The following STPG2 variants were observed in gnomAD, a reference collection of about 807,000 sequenced individuals.
STPG2 encodes sperm tail PG-rich repeat containing 2, also known as sperm-tail PG-rich repeat-containing protein 2.
Under a neutral mutation model 54.2 loss-of-function variants are expected in STPG2, and 56 were observed. That is an observed-to-expected ratio of 1.03 (90% CI 0.83 to 1.29). The LOEUF (loss-of-function observed/expected upper bound fraction) is 1.29. Among genes scored for constraint, STPG2 ranks in the 50% most tolerant of loss-of-function variants. The probability of loss-of-function intolerance (pLI) is 0.00; values close to 1 mark genes in which losing one functional copy is unlikely to be tolerated. For synonymous variants in STPG2, 200 were observed against 181.8 expected (o/e 1.10, Z -0.81); for missense variants, 596 against 544.9 (o/e 1.09, Z -0.93).
intron 8 of STPG2, among the ~76,000 whole-genome samples, chr4:97,928,732 A>G (rs1732428051): frequency 6.6e-6 from 1 of 152,150 alleles, no homozygotes; most frequent in Non-Finnish European, 1.5e-5. Context: ...AACATCTGTT[A>G]ACTCTGCATT....
intron 10 of STPG2, among the ~76,000 whole-genome samples, chr4:97,582,280 G>A (rs752488213): frequency 5.0e-4 from 76 of 151,846 alleles, no homozygotes; most frequent in Non-Finnish European, 3.8e-4. Flanking sequence ...TCAAATACGC[G>A]TTGTTGGTTG....
At chr4:97,708,926 A>C (rs2149004490) in intron 10 of STPG2, among the ~76,000 whole-genome samples, 1 of 151,844 alleles carries the variant, frequency 6.6e-6, no homozygotes, top group East Asian at 1.9e-4. Flanking sequence ...ATTTGAGTAA[A>C]ATTTTCTTTT....
intron 9 of STPG2, among the ~76,000 whole-genome samples, chr4:97,754,687 C>T (rs754315892): frequency 6.6e-6 from 1 of 152,018 alleles, no homozygotes; most frequent in African/African-American, 2.4e-5. Context: ...GACTATTTCA[C>T]AATTTCTCTC....
downstream of STPG2, among the ~76,000 whole-genome samples, chr4:97,558,423 T>C (rs1431550945): frequency 1.3e-5 from 2 of 152,138 alleles, no homozygotes. Context: ...AAAAGGTGAA[T>C]AGGATCTCAC....
chr4:97,827,403 T>C (rs146004548), intron 9 of STPG2, among the ~76,000 whole-genome samples: 4,340 of 151,882 alleles, frequency 0.029, 195 homozygotes, highest in African/African-American at 0.098. Context: ...GTCCGGATAA[T>C]TTTTTGTATT....
chr4:98,019,477 T>G (rs1322366247), intron 5 of STPG2, among the ~76,000 whole-genome samples: 1 of 152,016 alleles, frequency 6.6e-6, no homozygotes, highest in Non-Finnish European at 1.5e-5. Flanking sequence ...TTCTTTTGGC[T>G]TAGGATTGAC....
chr4:98,005,014 T>C (rs1396431422), intron 5 of STPG2, among the ~76,000 whole-genome samples: 1 of 152,024 alleles, frequency 6.6e-6, no homozygotes, highest in East Asian at 1.9e-4. Context: ...CCCATTTGCT[T>C]ATTTTTAGTT....
intron 8 of STPG2, among the ~76,000 whole-genome samples, chr4:97,909,068 C>T (rs942126352): frequency 1.3e-5 from 2 of 149,534 alleles, no homozygotes; most frequent in Non-Finnish European, 3.0e-5. Flanking sequence ...CTATAATAAA[C>T]AACCCATCAA....
At chr4:97,801,816 C>T (rs1277467028) in intron 9 of STPG2, among the ~76,000 whole-genome samples, 1 of 152,106 alleles carries the variant, frequency 6.6e-6, no homozygotes, top group African/African-American at 2.4e-5. Context: ...TTCACCTTTC[C>T]TATCCTATCC....
chr4:97,514,044 A>G (rs1198638721), intron 4 of STPG2, among the ~76,000 whole-genome samples: 1 of 152,160 alleles, frequency 6.6e-6, no homozygotes. Flanking sequence ...GCTGGCTTTG[A>G]CAAAATCAGT....
At chr4:98,055,280 A>G (rs1737445376) in intron 5 of STPG2, among the ~76,000 whole-genome samples, 1 of 152,058 alleles carries the variant, frequency 6.6e-6, no homozygotes, top group South Asian at 2.1e-4. Context: ...TTGCATGGGG[A>G]AGGCAAGATG....
intron 9 of STPG2, among the ~76,000 whole-genome samples, chr4:97,727,722 C>CTT (rs34747108): frequency 1.8e-3 from 259 of 147,024 alleles, no homozygotes; most frequent in Admixed American, 2.9e-3. Flanking sequence ...TCATGGATTC[C>CTT]TTTTTTTTTT....
chr4:97,683,852 C>T (rs1304317145), intron 10 of STPG2, among the ~76,000 whole-genome samples: 2 of 151,668 alleles, frequency 1.3e-5, no homozygotes, highest in African/African-American at 4.8e-5. Context: ...TATATGTTGT[C>T]TATGTAGAAA....
intron 9 of STPG2, among the ~76,000 whole-genome samples, chr4:97,778,448 G>T (rs1251116022): frequency 1.3e-5 from 2 of 152,300 alleles, no homozygotes; most frequent in East Asian, 3.9e-4. Flanking sequence ...CTTGTACTGG[G>T]TGGAGCCCAC....
chr4:98,103,795 T>C (rs1739113910), intron 5 of STPG2, among the ~76,000 whole-genome samples: 1 of 152,178 alleles, frequency 6.6e-6, no homozygotes. Flanking sequence ...TGCCTCACTC[T>C]CAAAATCTGT....
chr4:98,016,031 G>T (rs1471106668), intron 5 of STPG2, among the ~76,000 whole-genome samples: 1 of 152,116 alleles, frequency 6.6e-6, no homozygotes, highest in Non-Finnish European at 1.5e-5. Flanking sequence ...CACAGGGAGG[G>T]GAACATCACA....
intron 10 of STPG2, among the ~76,000 whole-genome samples, chr4:97,609,010 A>G (rs1019162335): frequency 1.3e-5 from 2 of 152,074 alleles, no homozygotes; most frequent in African/African-American, 4.8e-5. Context: ...ATTTTATACC[A>G]TCTGTTTAGG....
intron 4 of STPG2, among the ~76,000 whole-genome samples, chr4:97,535,655 TCTGA>T (rs1406797328): frequency 1.3e-5 from 2 of 152,302 alleles, no homozygotes; most frequent in African/African-American, 2.4e-5. Context: ...ACCCTTTTTC[TCTGA>T]CTGATTTCAG....
Position 97,562,268 on chromosome 4 carries a change from C to T in STPG2, c.1321-3151G>A, listed in dbSNP as rs1332637577. On this transcript the variant is annotated intron_variant, in intron 10 of 10. Coordinates refer to ENST00000295268, the MANE Select transcript of STPG2 (RefSeq NM_174952.3). ...GTCTGTTATTGGTGTATAAGAATGC[C>T]TGTGATTTTTGCACATTGATTTTGT... Among the ~76,000 whole-genome samples the T allele has an allele frequency of 5.3e-5, 8 of 152,032 alleles. No homozygotes were observed. In the South Asian group the frequency reaches 6.2e-4, roughly 12 times the overall value.
Sources: allele counts gnomAD v4.1 joint callset (sites outside exome capture counted in the v4.1 genomes callset), GRCh38; gene constraint gnomAD v4.1.1; transcripts MANE v1.5; gene names NCBI Gene and HGNC (gene_info 2026-07-23, HGNC 2026-07-21).